Variants in HEMGN observed in about 807,000 individuals in gnomAD.
HEMGN encodes the protein erythroid differentiation-associated gene protein.
In HEMGN, 32 loss-of-function variants were observed where a neutral mutation model predicts 45.7. That is an observed-to-expected ratio of 0.70 (90% CI 0.53 to 0.94). The LOEUF (loss-of-function observed/expected upper bound fraction) is 0.94, where lower values mean the gene tolerates loss of function less well. Among genes scored for constraint, HEMGN ranks in the 40% least tolerant of loss-of-function variants. The pLI, the probability that HEMGN is intolerant of heterozygous loss-of-function variation, is 0.00. For missense variants in HEMGN, 530 were observed against 564.2 expected (o/e 0.94, Z 0.61); for synonymous variants, 183 against 178.6 (o/e 1.02, Z -0.20).
At chr9:97,929,151 G>T (rs1184274290) in intron 3 of HEMGN, among the ~76,000 whole-genome samples, 5 of 152,216 alleles carry the variant, frequency 3.3e-5, no homozygotes, top group Non-Finnish European at 5.9e-5. Context: ...TAGGAATCAG[G>T]ACGCTGTGTT....
chr9:97,941,284 G>A (rs984484549), upstream of HEMGN, among the ~76,000 whole-genome samples: 1 of 152,088 alleles, frequency 6.6e-6, no homozygotes, highest in African/African-American at 2.4e-5. Flanking sequence ...CCAGGTATAG[G>A]GGCACCAGCA....
upstream of HEMGN, among the ~76,000 whole-genome samples, chr9:97,940,342 C>T (rs1827133950): frequency 6.6e-6 from 1 of 152,102 alleles, no homozygotes; most frequent in Admixed American, 6.6e-5. Context: ...AAGTCAATTC[C>T]ACCCCTGCCC....
In HEMGN at chr9:97,930,963, C is replaced by T; in HGVS notation, c.432G>A (p.Gln144=). ...SEICQESNIY[Q]ENFSEYQEIA... ...TTTCTTGGTACTCAGAAAAATTCTC[C>T]TGATATATGTTACTTTCTTGACATA... The change falls in exon 3 of 4, where the codon CAG becomes CAA. Residue 144 remains glutamine (Q), a synonymous_variant. Coordinates refer to ENST00000616898, the MANE Select transcript of HEMGN (RefSeq NM_197978.3). The T allele has an allele frequency of 6.2e-7, 1 of 1,614,156 alleles. No homozygotes were observed. Among genetic ancestry groups the T allele is most frequent in the Non-Finnish European group, 8.5e-7 (1 of 1,180,016 alleles).
In HEMGN at chr9:97,927,369, T is replaced by C; in HGVS notation, c.*15A>G. ...TGTATGTTCCATTGGACCACAACTT[T>C]ATGGTTGAGCATTGTTAAAACAAAA... On this transcript the variant is annotated 3_prime_UTR_variant, in exon 4 of 4. Transcript: ENST00000616898. The C allele has an allele frequency of 6.8e-7, 1 of 1,470,346 alleles. No individual in the cohort carries two copies. 91.1% of individuals were successfully genotyped at this position (1,470,346 alleles called of 1,614,324 possible).
intron 3 of HEMGN, among the ~76,000 whole-genome samples, chr9:97,928,854 A>G (rs1012807613): frequency 6.6e-6 from 1 of 152,258 alleles, no homozygotes; most frequent in African/African-American, 2.4e-5. Context: ...GCTGCAATAC[A>G]TATTGTAAAT....
chr9:97,930,995 A>T lies in HEMGN; in HGVS notation c.400T>A (p.Ser134Thr). 6.2e-7 allele frequency: 1 copy of T among 1,614,160 alleles called. No individual in the cohort carries two copies. The highest frequency in any genetic ancestry group is 8.5e-7 in the Non-Finnish European group (1 of 1,180,002). Residue 134 changes from serine to threonine, a missense_variant, in exon 3 of 4, where the codon TCT (serine) becomes ACT (threonine). Physicochemically the swap from Ser to Thr is moderately conservative, Grantham distance 58. Coordinates refer to ENST00000616898, the MANE Select transcript of HEMGN (RefSeq NM_197978.3). ...ATGTTACTTTCTTGACATATTTCAG[A>T]AAAGTGTTCCTCAGGCACAACTTTT... The part of the protein sequence containing the change: ...PQKVVPEEHF[S>T]EICQESNIYQ...
chr9:97,944,327 C>CT (rs1827193123), intron 1 of HEMGN, among the ~76,000 whole-genome samples: 1 of 152,186 alleles, frequency 6.6e-6, no homozygotes, highest in Non-Finnish European at 1.5e-5. Flanking sequence ...AGTACCATGC[C>CT]TGGCCATCTA....
intron 3 of HEMGN, among the ~76,000 whole-genome samples, chr9:97,928,504 A>T (rs868303599): frequency 6.6e-6 from 1 of 152,188 alleles, no homozygotes; most frequent in Admixed American, 6.5e-5. Flanking sequence ...GTTTGGCCCA[A>T]CAATTTGATT....
intron 2 of HEMGN, among the ~76,000 whole-genome samples, chr9:97,931,499 C>T (rs1328982062): frequency 6.6e-6 from 1 of 152,250 alleles, no homozygotes; most frequent in East Asian, 1.9e-4. Context: ...CGTATGCGTG[C>T]GTGCGTGTGT....
intron 2 of HEMGN, 61 bp downstream of exon 2, chr9:97,936,110 C>G: frequency 9.2e-7 from 1 of 1,085,060 alleles, no homozygotes. Flanking sequence ...CACAGCACTA[C>G]TTTATGCATA....
upstream of HEMGN, chr9:97,938,382 G>T (rs975513383): frequency 7.3e-6 from 3 of 410,382 alleles, no homozygotes; most frequent in South Asian, 1.3e-4. Context: ...CCTAGCATAG[G>T]TTGCTATTTA....
At position 97,930,276 on chromosome 9, in the gene HEMGN, T is replaced by G; in HGVS notation, c.1119A>C (p.Glu373Asp). 1 of 1,614,182 alleles carries G rather than the reference T, an allele frequency of 6.2e-7. No homozygotes were observed. Among genetic ancestry groups the G allele is most frequent in the Non-Finnish European group, 8.5e-7 (1 of 1,180,014 alleles). The change falls in exon 3 of 4, where the codon GAA (glutamate) becomes GAC (aspartate). Residue 373 changes from glutamate (E) to aspartate (D), a missense_variant. By Grantham distance (45) the Glu-to-Asp change is conservative (BLOSUM62 2). Transcript: ENST00000616898. ...GTGAATATTCTTCAAGCCCAGGTATTTCTTGATACGTTTCAGGTGAATATT... is the reference window on the plus strand; with the variant it reads ...GTGAATATTCTTCAAGCCCAGGTATGTCTTGATACGTTTCAGGTGAATATT... Reference protein sequence around the residue: ...SEKYSPETYQEIPGLEEYSPE... With the variant: ...SEKYSPETYQDIPGLEEYSPE...
chr9:97,928,475 A>G (rs1034132530), intron 3 of HEMGN, among the ~76,000 whole-genome samples: 2 of 152,184 alleles, frequency 1.3e-5, no homozygotes, highest in Admixed American at 6.5e-5. Flanking sequence ...TGTATATTCA[A>G]ACTTTAAATT....
rs757852013 is a variant in HEMGN, at chr9:97,930,107, T to C, written c.1288A>G (p.Thr430Ala). The C allele has an allele frequency of 1.9e-6, 3 of 1,614,036 alleles. No homozygotes were observed. The highest frequency in any genetic ancestry group is 8.5e-7 in the Non-Finnish European group (1 of 1,180,024). Residue 430 changes from threonine (T) to alanine (A), a missense_variant, in exon 3 of 4, where the codon ACA becomes GCA. Thr to Ala is a moderately conservative substitution (Grantham distance 58). Coordinates refer to ENST00000616898, the MANE Select transcript of HEMGN (RefSeq NM_197978.3). Reference protein sequence around the residue: ...KECFPEPHQETGGPQGQDPKA... With the variant: ...KECFPEPHQEAGGPQGQDPKA... ...GGATCCTGGCCTTGGGGCCCACCTG[T>C]TTCTTGGTGTGGTTCTGGAAAGCAT... is the stretch of plus-strand genomic sequence containing the variant.
chr9:97,938,332 G>A (rs747369447), upstream of HEMGN: 1 of 563,796 alleles, frequency 1.8e-6, no homozygotes, highest in Admixed American at 3.2e-5. Context: ...TTATCACACT[G>A]CACAGGTGTG....
intron 3 of HEMGN, among the ~76,000 whole-genome samples, chr9:97,928,289 G>A (rs984563665): frequency 4.6e-5 from 7 of 151,728 alleles, no homozygotes; most frequent in African/African-American, 1.2e-4. Flanking sequence ...GCCTCCCAAC[G>A]TGCTGGGATT....
rs143681169 is a variant in HEMGN at position 97,930,941 on chromosome 9, C to A, written c.454G>T (p.Glu152Ter). The A allele has an allele frequency of 7.4e-5, 120 of 1,614,048 alleles. No homozygotes were observed. The highest frequency in any genetic ancestry group is 9.2e-5 in the Non-Finnish European group (108 of 1,180,028). Reference sequence around the variant, plus strand: ...GAAGAATGGTTTTGTACTGCTATTTCTTGGTACTCAGAAAAATTCTCCTGA... The same window carrying A: ...GAAGAATGGTTTTGTACTGCTATTTATTGGTACTCAGAAAAATTCTCCTGA... ...IYQENFSEYQEIAVQNHSSET... is the reference protein window; with the variant it reads ...IYQENFSEYQ Residue 152 changes from glutamate (E) to a stop codon, truncating the protein, a stop_gained, in exon 3 of 4, where the codon GAA becomes TAA. Coordinates refer to ENST00000616898, the MANE Select transcript of HEMGN (RefSeq NM_197978.3). LOFTEE classifies it high-confidence loss of function.
chr9:97,934,869 A>G (rs1285835687), intron 2 of HEMGN, among the ~76,000 whole-genome samples: 3 of 152,174 alleles, frequency 2.0e-5, no homozygotes, highest in Non-Finnish European at 4.4e-5. Flanking sequence ...AAATGCAAAT[A>G]TAGTGTAATT....
Position 97,930,425 on chromosome 9 carries a change from G to A in HEMGN, c.970C>T (p.Leu324Phe), listed in dbSNP as rs1272668752. 3 of 1,613,930 alleles carry A rather than the reference G, an allele frequency of 1.9e-6. No homozygotes were observed. Among genetic ancestry groups the A allele is most frequent in the African/African-American group, 1.3e-5 (1 of 74,906 alleles). Residue 324 changes from leucine (L) to phenylalanine (F), a missense_variant, in exon 3 of 4, where the codon CTT becomes TTT. Physicochemically the swap from Leu to Phe is conservative, Grantham distance 22 (BLOSUM62 0). Transcript: ENST00000616898. ...THQESAEPKY[L>F]PHKTCNEIIV... is the part of the protein sequence containing the mutation. ...ATTTCGTTACATGTTTTATGAGGAAGGTATTTAGGTTCAGCTGATTCTTGG... is the reference window on the plus strand; with the variant it reads ...ATTTCGTTACATGTTTTATGAGGAAAGTATTTAGGTTCAGCTGATTCTTGG...
Sources: allele counts gnomAD v4.1 joint callset (sites outside exome capture counted in the v4.1 genomes callset), GRCh38; gene constraint gnomAD v4.1.1; transcripts MANE v1.5; gene names NCBI Gene and HGNC (gene_info 2026-07-23, HGNC 2026-07-21).